The following SLC9A1 variants were observed in gnomAD, a reference collection of about 807,000 sequenced individuals.
SLC9A1 encodes the protein solute carrier family 9 member A1.
In SLC9A1, 22 loss-of-function variants were observed where a neutral mutation model predicts 67.9. That is an observed-to-expected ratio of 0.32 (90% confidence interval 0.23 to 0.46). The LOEUF (loss-of-function observed/expected upper bound fraction) is 0.46, where lower values mean the gene tolerates loss of function less well. Ranked by LOEUF, SLC9A1 falls within the 20% of genes least tolerant of loss-of-function variation. The probability of loss-of-function intolerance (pLI) is 1.00; values close to 1 mark genes in which losing one functional copy is unlikely to be tolerated. For synonymous variants in SLC9A1, 421 were observed against 471.8 expected (o/e 0.89, Z 1.40); for missense variants, 686 against 1,094.8 (o/e 0.63, Z 5.27).
intron 5 of SLC9A1, chr1:27,103,628 C>T (rs2083163158): frequency 2.6e-6 from 1 of 377,400 alleles, no homozygotes; most frequent in Non-Finnish European, 5.0e-6. Flanking sequence ...CTCTGCAACC[C>T]CATGGAAGTC....
rs562460419 is a variant in SLC9A1, at chr1:27,137,379, G to A, written c.352+16604C>T. ...GCAAGTCACTTCCGCCCTGGCCTCTGCTTCCTCTGTGAGCTGAGGGGGATG... is the reference window on the plus strand; with the variant it reads ...GCAAGTCACTTCCGCCCTGGCCTCTACTTCCTCTGTGAGCTGAGGGGGATG... On this transcript the variant is annotated intron_variant, in intron 1 of 11. Transcript: ENST00000263980. The surrounding 1 kb of genome is among the most constrained non-coding windows in gnomAD (Gnocchi z 4.6). Among the ~76,000 whole-genome samples, 2 of 152,356 alleles carry A rather than the reference G, an allele frequency of 1.3e-5. No individual in the cohort carries two copies. Among genetic ancestry groups the A allele is most frequent in the South Asian group, 4.1e-4 (2 of 4,834 alleles).
intron 1 of SLC9A1, among the ~76,000 whole-genome samples, chr1:27,123,511 T>A (rs2083319195): frequency 6.8e-6 from 1 of 147,358 alleles, no homozygotes. Flanking sequence ...TTATTGGGCT[T>A]TTTTTTTTTT....
At chr1:27,110,665 T>C (rs116528829) in intron 2 of SLC9A1, among the ~76,000 whole-genome samples, 2 of 152,328 alleles carry the variant, frequency 1.3e-5, no homozygotes, top group African/African-American at 4.8e-5. Flanking sequence ...AGGCTCACAG[T>C]GGTAAAACAA....
In SLC9A1 at chr1:27,102,398, T is replaced by TGGAGACGGC; in HGVS notation, c.1798_1806dup (p.Ala600_Ser602dup). 11 of 1,590,712 alleles carry TGGAGACGGC rather than the reference T, an allele frequency of 6.9e-6. No homozygotes were observed. Among genetic ancestry groups the TGGAGACGGC allele is most frequent in the South Asian group, 1.1e-5 (1 of 89,932 alleles). ...CCCAGCACTCACTGCATGGAGACGGTGGAGACGGCAGAGGGGATCTTGCCC... is the reference window on the plus strand; with the variant it reads ...CCCAGCACTCACTGCATGGAGACGGTGGAGACGGCGGAGACGGCAGAGGGGATCTTGCCC... On this transcript the variant is annotated inframe_insertion, in exon 8 of 12. Coordinates refer to ENST00000263980, the MANE Select transcript of SLC9A1 (RefSeq NM_003047.5).
rs905310816 is a variant in SLC9A1, at chr1:27,106,651, C to T, written c.1283-564G>A. ...GGAAGTGAGAGATCCAGGGAGGAGG[C>T]GACTGAGGCACTGGGGTGAGGCATG... On this transcript the variant is annotated intron_variant, in intron 4 of 11. Coordinates refer to ENST00000263980, the MANE Select transcript of SLC9A1 (RefSeq NM_003047.5). This position sits in a 1 kb window ranked among gnomAD's most constrained non-coding sequence, Gnocchi z 4.3. 6.6e-6 allele frequency among the ~76,000 whole-genome samples: 1 copy of T among 152,106 alleles called. No individual in the cohort carries two copies. The highest frequency in any genetic ancestry group is 2.4e-5 in the African/African-American group (1 of 41,466).
chr1:27,148,401 C>T (rs531885184), intron 1 of SLC9A1, among the ~76,000 whole-genome samples: 3 of 152,132 alleles, frequency 2.0e-5, no homozygotes, highest in African/African-American at 7.2e-5. Context: ...AACAGGTGTC[C>T]CTCCTGACAA....
chr1:27,102,899 T>C, intron 6 of SLC9A1, 156 bp from the exon 7 acceptor site: 1 of 684,724 alleles, frequency 1.5e-6, no homozygotes, highest in Non-Finnish European at 2.6e-6. Flanking sequence ...ACTCCACTCA[T>C]CGAACCCAGC....
intron 2 of SLC9A1, 129 bp downstream of exon 2, chr1:27,113,697 A>G (rs913746125): frequency 2.7e-6 from 2 of 728,634 alleles, no homozygotes; most frequent in Non-Finnish European, 4.7e-6. Flanking sequence ...GGTGCCTGGC[A>G]TACGGGAAGC....
intron 1 of SLC9A1, among the ~76,000 whole-genome samples, chr1:27,126,249 G>A (rs548106195): frequency 1.3e-5 from 2 of 152,158 alleles, no homozygotes; most frequent in East Asian, 1.9e-4. Context: ...CATAAGCCTC[G>A]TGAGGGCAGC....
At chr1:27,121,607 G>A (rs748400653) in intron 1 of SLC9A1, among the ~76,000 whole-genome samples, 4 of 152,076 alleles carry the variant, frequency 2.6e-5, no homozygotes, top group South Asian at 2.1e-4. Flanking sequence ...AGGCTGTTCC[G>A]GAGGCAGGCA....
chr1:27,147,729 C>T (rs775852541), intron 1 of SLC9A1, among the ~76,000 whole-genome samples: 1 of 152,208 alleles, frequency 6.6e-6, no homozygotes, highest in Non-Finnish European at 1.5e-5. Flanking sequence ...GGAGCAGTGG[C>T]TTACGCCTGT....
rs564989307 is a variant in SLC9A1 at position 27,111,898 on chromosome 1, C to A, written c.813+1928G>T. On this transcript the variant is annotated intron_variant, in intron 2 of 11. Transcript: ENST00000263980. ...GCAATCACTACCACCGCTGCCACTG[C>A]CTTTGGGAGACATGACCATGGGTCC... 2.0e-5 allele frequency among the ~76,000 whole-genome samples: 3 copies of A among 152,300 alleles called. No individual in the cohort carries two copies. In the South Asian group the frequency reaches 6.2e-4, roughly 32 times the overall value.
At position 27,119,137 on chromosome 1, in the gene SLC9A1, C is replaced by A. The variant is rs545130015; in HGVS notation, c.353-4851G>T. On this transcript the variant is annotated intron_variant, in intron 1 of 11. Coordinates refer to ENST00000263980, the MANE Select transcript of SLC9A1 (RefSeq NM_003047.5). Reference sequence around the variant, plus strand: ...ACTTCCAATTGATGGAGGCTCCCAGCCCCCTGCGGCTGCTCTGCACCACAA... The same window carrying A: ...ACTTCCAATTGATGGAGGCTCCCAGACCCCTGCGGCTGCTCTGCACCACAA... Among the ~76,000 whole-genome samples, 5 of 152,164 alleles carry A rather than the reference C, an allele frequency of 3.3e-5. No individual in the cohort carries two copies. The East Asian group carries it at 9.7e-4, about 29-fold the overall frequency.
At chr1:27,150,126 A>G (rs2083516821) in intron 1 of SLC9A1, among the ~76,000 whole-genome samples, 1 of 152,102 alleles carries the variant, frequency 6.6e-6, no homozygotes, top group African/African-American at 2.4e-5. Flanking sequence ...TCTTCTTTTG[A>G]GAAGTGAGAG....
chr1:27,105,551 C>T, intron 5 of SLC9A1: 2 of 617,546 alleles, frequency 3.2e-6, no homozygotes, highest in South Asian at 3.9e-5. Flanking sequence ...ACCCCCTCAG[C>T]CTCCCAAAGT....
intron 2 of SLC9A1, among the ~76,000 whole-genome samples, chr1:27,112,001 C>T (rs2083231543): frequency 6.6e-6 from 1 of 152,202 alleles, no homozygotes; most frequent in African/African-American, 2.4e-5. Context: ...AACCCCAACA[C>T]CCAGATCCCA....
intron 1 of SLC9A1, among the ~76,000 whole-genome samples, chr1:27,131,518 G>A (rs1432530654): frequency 6.6e-6 from 1 of 150,860 alleles, no homozygotes; most frequent in Non-Finnish European, 1.5e-5. Context: ...GGGAGGCCAA[G>A]GTGGGTGGAT....
At chr1:27,135,303 T>G (rs2083412467) in intron 1 of SLC9A1, among the ~76,000 whole-genome samples, 1 of 151,506 alleles carries the variant, frequency 6.6e-6, no homozygotes, top group African/African-American at 2.4e-5. Flanking sequence ...TGCTCCCACC[T>G]TGGTCTCCCA....
At chr1:27,104,750 T>C (rs2083172835) in intron 5 of SLC9A1, among the ~76,000 whole-genome samples, 1 of 152,052 alleles carries the variant, frequency 6.6e-6, no homozygotes, top group Non-Finnish European at 1.5e-5. Context: ...TTTTTTTTTC[T>C]CAAGAGAATG....
Sources: gnomAD v4.1 joint callset for allele counts (sites outside exome capture counted in the v4.1 genomes callset) on GRCh38, gnomAD v4.1.1 for gene constraint, Gnocchi (gnomAD v3.1) non-coding constraint, MANE v1.5 for transcripts, NCBI Gene and HGNC (gene_info 2026-07-23, HGNC 2026-07-21) for gene names.